The following SEMA3C variants were observed in gnomAD, a reference collection of about 807,000 sequenced individuals.
SEMA3C encodes semaphorin-3C.
Under a neutral mutation model 89.4 loss-of-function variants are expected in SEMA3C, and 47 were observed. The observed-to-expected ratio is 0.53, with a 90% CI of 0.42 to 0.67. SEMA3C has a LOEUF of 0.67. SEMA3C is among the 30% of genes least tolerant of loss of function. The pLI is 0.00. For missense variants in SEMA3C, 839 were observed against 929.1 expected (o/e 0.90, Z 1.26); for synonymous variants, 310 against 320.2 (o/e 0.97, Z 0.34).
At chr7:80,917,603 T>G (rs1032598414) in intron 1 of SEMA3C, among the ~76,000 whole-genome samples, 2 of 152,190 alleles carry the variant, frequency 1.3e-5, no homozygotes, top group African/African-American at 4.8e-5. Flanking sequence ...GATATAAAAT[T>G]GGTACATGCT....
At chr7:80,789,986 G>A (rs1788898200) in intron 11 of SEMA3C, among the ~76,000 whole-genome samples, 1 of 152,100 alleles carries the variant, frequency 6.6e-6, no homozygotes, top group Non-Finnish European at 1.5e-5. Flanking sequence ...CCAAAAGAGA[G>A]CTCAGAAATT....
chr7:80,856,272 T>G (rs1246367613), intron 2 of SEMA3C, among the ~76,000 whole-genome samples: 1 of 152,084 alleles, frequency 6.6e-6, no homozygotes, highest in Non-Finnish European at 1.5e-5. Context: ...TTTTAGAACA[T>G]TTGATGTTTT....
At chr7:80,869,544 G>A (rs1438766564) in intron 2 of SEMA3C, among the ~76,000 whole-genome samples, 3 of 151,966 alleles carry the variant, frequency 2.0e-5, no homozygotes, top group Admixed American at 6.6e-5. Flanking sequence ...AGCCATTCAG[G>A]GTTAATGGGA....
At chr7:80,803,441 T>C (rs1439668404) in intron 8 of SEMA3C, among the ~76,000 whole-genome samples, 1 of 152,188 alleles carries the variant, frequency 6.6e-6, no homozygotes, top group East Asian at 1.9e-4. Context: ...CAGTGGAGTA[T>C]TATAATATAT....
chr7:80,866,471 A>T (rs546973879), intron 2 of SEMA3C, among the ~76,000 whole-genome samples: 1 of 152,202 alleles, frequency 6.6e-6, no homozygotes, highest in Non-Finnish European at 1.5e-5. Context: ...GCTCAGCAGC[A>T]TAAGACAGGG....
intron 12 of SEMA3C, among the ~76,000 whole-genome samples, chr7:80,780,696 C>A (rs964964179): frequency 6.4e-4 from 98 of 152,210 alleles, no homozygotes; most frequent in African/African-American, 2.1e-3. Context: ...TCAGCCTGGG[C>A]AACGTGCAGA....
chr7:80,761,934 C>A (rs867899509), intron 13 of SEMA3C, among the ~76,000 whole-genome samples: 1 of 151,282 alleles, frequency 6.6e-6, no homozygotes, highest in South Asian at 2.1e-4. Context: ...ACTAAAAATA[C>A]AAAAATTAGC....
At chr7:80,801,401 C>T (rs73372916) in intron 9 of SEMA3C, among the ~76,000 whole-genome samples, 1 of 151,936 alleles carries the variant, frequency 6.6e-6, no homozygotes, top group African/African-American at 2.4e-5. Context: ...TTAATGATAG[C>T]TCCTCTAACA....
At chr7:80,862,955 A>G (rs1790807654) in intron 2 of SEMA3C, among the ~76,000 whole-genome samples, 1 of 152,216 alleles carries the variant, frequency 6.6e-6, no homozygotes, top group African/African-American at 2.4e-5. Context: ...AGATGGATTA[A>G]TGACTTAAAC....
intron 10 of SEMA3C, among the ~76,000 whole-genome samples, chr7:80,800,030 G>A (rs999307072): frequency 2.6e-5 from 4 of 151,208 alleles, no homozygotes; most frequent in African/African-American, 9.7e-5. Context: ...GCGGGCGCCT[G>A]TAGTCCCAGC....
At chr7:80,846,662 C>G (rs1166268162) in intron 2 of SEMA3C, among the ~76,000 whole-genome samples, 1 of 152,088 alleles carries the variant, frequency 6.6e-6, no homozygotes, top group Admixed American at 6.6e-5. Context: ...TTAATTGATA[C>G]TACTATCTAT....
At chr7:80,861,062 A>C (rs187361840) in intron 2 of SEMA3C, among the ~76,000 whole-genome samples, 17 of 152,300 alleles carry the variant, frequency 1.1e-4, no homozygotes, top group Admixed American at 9.8e-4. Flanking sequence ...TGAGAAAATG[A>C]GAACATACCA....
At chr7:80,853,184 C>T (rs996819052) in intron 2 of SEMA3C, among the ~76,000 whole-genome samples, 1 of 152,082 alleles carries the variant, frequency 6.6e-6, no homozygotes, top group Non-Finnish European at 1.5e-5. Context: ...TAAATTAGTA[C>T]AGCCACTATG....
intron 12 of SEMA3C, among the ~76,000 whole-genome samples, chr7:80,779,723 G>A (rs1788649993): frequency 6.6e-6 from 1 of 152,150 alleles, no homozygotes; most frequent in African/African-American, 2.4e-5. Context: ...CTCCTCTTGA[G>A]TGCAGGTGGA....
intron 2 of SEMA3C, among the ~76,000 whole-genome samples, chr7:80,856,536 GAA>G (rs397970593): frequency 4.1e-5 from 2 of 49,184 alleles, no homozygotes; most frequent in Non-Finnish European, 8.6e-5. Context: ...ATTGGTTAAG[GAA>G]AAAAAAAAAA....
intron 2 of SEMA3C, among the ~76,000 whole-genome samples, chr7:80,868,916 T>G (rs1457015096): frequency 6.6e-6 from 1 of 152,216 alleles, no homozygotes; most frequent in African/African-American, 2.4e-5. Context: ...TAACGAGGTT[T>G]TCTTTTCAAA....
intron 5 of SEMA3C, among the ~76,000 whole-genome samples, chr7:80,811,428 A>G (rs1464818893): frequency 6.6e-6 from 1 of 152,176 alleles, no homozygotes; most frequent in African/African-American, 2.4e-5. Flanking sequence ...AAGAGAGAAG[A>G]CTATAGATTG....
intron 2 of SEMA3C, among the ~76,000 whole-genome samples, chr7:80,838,140 A>G (rs1173720972): frequency 6.6e-6 from 1 of 152,186 alleles, no homozygotes; most frequent in African/African-American, 2.4e-5. Flanking sequence ...ATCACTATTA[A>G]AAAGTAGGGT....
chr7:80,916,169 T>A (rs1792268711), intron 2 of SEMA3C, among the ~76,000 whole-genome samples: 1 of 152,210 alleles, frequency 6.6e-6, no homozygotes, highest in South Asian at 2.1e-4. Context: ...TTTCAATTAA[T>A]TAGGGGACTA....
Sources: gnomAD v4.1 joint callset for allele counts (sites outside exome capture counted in the v4.1 genomes callset) on GRCh38, gnomAD v4.1.1 for gene constraint, MANE v1.5 for transcripts, NCBI Gene and HGNC (gene_info 2026-07-23, HGNC 2026-07-21) for gene names.